The following ARL15 variants were observed in gnomAD, a reference collection of about 807,000 sequenced individuals.
The protein encoded by ARL15 is ADP-ribosylation factor-like protein 15.
In ARL15, 19 loss-of-function variants were observed where a neutral mutation model predicts 25.2. The observed-to-expected ratio is 0.75, with a 90% CI of 0.53 to 1.10. ARL15 has a LOEUF of 1.10. Ranked by LOEUF, ARL15 falls within the 50% of genes least tolerant of loss-of-function variation. ARL15 has a pLI of 0.00. For missense variants in ARL15, 220 were observed against 246.0 expected, an observed-to-expected ratio of 0.89 and a Z score of 0.71; for synonymous variants, 94 against 86.8, an observed-to-expected ratio of 1.08 and a Z score of -0.46.
At chr5:54,038,249 A>T (rs1750232034) in intron 4 of ARL15, among the ~76,000 whole-genome samples, 1 of 152,148 alleles carries the variant, frequency 6.6e-6, no homozygotes, top group Non-Finnish European at 1.5e-5. Context: ...CACTGCAATA[A>T]TGGCATAATG....
At position 54,016,272 on chromosome 5, in the gene ARL15, G is replaced by A. The variant is rs115228994; in HGVS notation, c.462+96930C>T. On this transcript the variant is annotated intron_variant, in intron 4 of 4. Transcript: ENST00000504924. Reference sequence around the variant, plus strand: ...TTTGAATTTTTTCCAAGTGTTTGTCGTTCCCTGTCAAGTAATCTTCACGAA... The same window carrying A: ...TTTGAATTTTTTCCAAGTGTTTGTCATTCCCTGTCAAGTAATCTTCACGAA... Among the ~76,000 whole-genome samples the A allele has an allele frequency of 5.2e-3, 787 of 152,170 alleles. 3 individuals are homozygous for A. Among genetic ancestry groups the A allele is most frequent in the Admixed American group, 0.011 (166 of 15,278 alleles).
intron 3 of ARL15, among the ~76,000 whole-genome samples, chr5:54,153,616 A>G (rs1158815134): frequency 1.3e-5 from 2 of 152,226 alleles, no homozygotes; most frequent in Non-Finnish European, 2.9e-5. Flanking sequence ...TTAATGCTAT[A>G]AAGCTAAAAG....
In ARL15 at chr5:54,135,873, G is replaced by T. The variant is rs150550842; in HGVS notation, c.253+18707C>A. Among the ~76,000 whole-genome samples, 142 of 152,288 alleles carry T rather than the reference G, an allele frequency of 9.3e-4. 2 individuals carry two copies. The South Asian group carries it at 0.012, about 13-fold the overall frequency. ...TATTATAAGACTCATTTCTGAAGGA[G>T]ACTGCATACCCAACTTTCCTGACAC... is the stretch of plus-strand genomic sequence containing the variant. On this transcript the variant is annotated intron_variant, in intron 3 of 4. Transcript: ENST00000504924.
At chr5:54,049,808 G>A (rs931518333) in intron 4 of ARL15, among the ~76,000 whole-genome samples, 7 of 151,994 alleles carry the variant, frequency 4.6e-5, no homozygotes, top group African/African-American at 1.7e-4. Flanking sequence ...CTGAACTCAA[G>A]TGATCTTCCC....
intron 3 of ARL15, among the ~76,000 whole-genome samples, chr5:54,120,483 C>A (rs1362797492): frequency 1.3e-5 from 2 of 152,174 alleles, no homozygotes; most frequent in African/African-American, 4.8e-5. Context: ...AACCTTTATA[C>A]TGTTCTGATG....
chr5:53,925,346 C>A (rs1317865705), intron 4 of ARL15, among the ~76,000 whole-genome samples: 1 of 152,088 alleles, frequency 6.6e-6, no homozygotes, highest in Non-Finnish European at 1.5e-5. Context: ...CAGCTGCATG[C>A]CACCATGCCT....
chr5:54,233,109 T>TA (rs764199369), intron 1 of ARL15, among the ~76,000 whole-genome samples: 29 of 152,336 alleles, frequency 1.9e-4, no homozygotes, highest in Non-Finnish European at 4.1e-4. Flanking sequence ...GTGTTTTACA[T>TA]AAAAATGGCC....
At chr5:54,298,791 T>C (rs1443065798) in intron 1 of ARL15, among the ~76,000 whole-genome samples, 1 of 152,060 alleles carries the variant, frequency 6.6e-6, no homozygotes, top group Non-Finnish European at 1.5e-5. Flanking sequence ...TCCTGGAAAG[T>C]CTCTATCCTC....
In ARL15 at chr5:54,229,202, C is replaced by A. The variant is rs542182866; in HGVS notation, c.49-57274G>T. On this transcript the variant is annotated intron_variant, in intron 1 of 4. Transcript: ENST00000504924. ...ACTATAGCCTTCCTAGAAAACAATG[C>A]TTGGACAGTAGCAAAAGCCTGTTGG... 2.0e-5 allele frequency among the ~76,000 whole-genome samples: 3 copies of A among 152,244 alleles called. No homozygotes were observed. The South Asian group carries it at 6.2e-4, about 32-fold the overall frequency.
At chr5:54,243,870 T>C (rs1159523102) in intron 1 of ARL15, among the ~76,000 whole-genome samples, 1 of 152,192 alleles carries the variant, frequency 6.6e-6, no homozygotes, top group Non-Finnish European at 1.5e-5. Context: ...AATTTTGCAG[T>C]GACTGTTGCC....
intron 3 of ARL15, among the ~76,000 whole-genome samples, chr5:54,134,359 T>C (rs1466335682): frequency 6.6e-6 from 1 of 152,044 alleles, no homozygotes; most frequent in East Asian, 1.9e-4. Context: ...GTTCGGTAGC[T>C]TTGTAGCTGA....
At position 54,049,394 on chromosome 5, in the gene ARL15, C is replaced by G. The variant is rs758145633; in HGVS notation, c.462+63808G>C. Among the ~76,000 whole-genome samples the G allele has an allele frequency of 1.0e-3, 156 of 152,092 alleles. 1 individual carries two copies. Among genetic ancestry groups the G allele is most frequent in the Admixed American group, 9.2e-4 (14 of 15,278 alleles). On this transcript the variant is annotated intron_variant, in intron 4 of 4. Coordinates refer to ENST00000504924, the MANE Select transcript of ARL15 (RefSeq NM_019087.3). ...CAGCTGGGACTGCAGGCATGAGCCACCATGCCCAGCACTATACATAGGTAT... is the reference window on the plus strand; with the variant it reads ...CAGCTGGGACTGCAGGCATGAGCCAGCATGCCCAGCACTATACATAGGTAT...
chr5:54,232,851 A>G (rs1457005117), intron 1 of ARL15, among the ~76,000 whole-genome samples: 2 of 152,132 alleles, frequency 1.3e-5, no homozygotes, highest in African/African-American at 4.8e-5. Context: ...CTTGTTTGCA[A>G]TGGCTTCACA....
At chr5:54,268,592 G>T (rs1166590017) in intron 1 of ARL15, among the ~76,000 whole-genome samples, 1 of 152,106 alleles carries the variant, frequency 6.6e-6, no homozygotes, top group Non-Finnish European at 1.5e-5. Flanking sequence ...CCCCATCTTT[G>T]TGGTTTCATC....
At chr5:53,943,908 T>C (rs1200945381) in intron 4 of ARL15, among the ~76,000 whole-genome samples, 1 of 152,188 alleles carries the variant, frequency 6.6e-6, no homozygotes, top group African/African-American at 2.4e-5. Context: ...GTAGGTAGAA[T>C]AGTGCAATGG....
At chr5:54,291,455 T>C (rs568026056) in intron 1 of ARL15, among the ~76,000 whole-genome samples, 16 of 152,374 alleles carry the variant, frequency 1.1e-4, no homozygotes, top group Admixed American at 4.6e-4. Flanking sequence ...TTAGACTGTA[T>C]TTTTTATTTT....
chr5:54,021,434 A>C (rs1749596788), intron 4 of ARL15, among the ~76,000 whole-genome samples: 1 of 152,242 alleles, frequency 6.6e-6, no homozygotes. Flanking sequence ...GAAGATGTAA[A>C]GGATCAAATA....
At chr5:54,073,041 A>G (rs921862175) in intron 4 of ARL15, among the ~76,000 whole-genome samples, 1 of 152,160 alleles carries the variant, frequency 6.6e-6, no homozygotes, top group Non-Finnish European at 1.5e-5. Flanking sequence ...TTACTTTTTG[A>G]GAAGTTGTTA....
At chr5:54,058,024 T>TC (rs1750939757) in intron 4 of ARL15, among the ~76,000 whole-genome samples, 1 of 145,540 alleles carries the variant, frequency 6.9e-6, no homozygotes, top group Non-Finnish European at 1.5e-5. Flanking sequence ...TTATTTTTTT[T>TC]GACAAAGTCT....
Sources: gnomAD v4.1 joint callset for allele counts (sites outside exome capture counted in the v4.1 genomes callset) on GRCh38, gnomAD v4.1.1 for gene constraint, MANE v1.5 for transcripts, NCBI Gene and HGNC (gene_info 2026-07-23, HGNC 2026-07-21) for gene names.